MAGI1: variants seen among roughly 807,000 people sequenced by gnomAD.
MAGI1 encodes the protein membrane-associated guanylate kinase, WW and PDZ domain-containing protein 1.
In MAGI1, 58 loss-of-function variants were observed where a neutral mutation model predicts 139.9. The ratio of observed to expected loss-of-function variants is 0.41; its 90% CI spans 0.34 to 0.52. MAGI1 has a LOEUF of 0.52. Ranked by LOEUF, MAGI1 falls within the 20% of genes least tolerant of loss-of-function variation. MAGI1 has a pLI of 0.12. For missense variants in MAGI1, 1,874 were observed against 1,901.6 expected (o/e 0.99, Z 0.27); for synonymous variants, 812 against 737.9 (o/e 1.10, Z -1.63).
At chr3:66,029,019 T>A (rs983048301) in intron 1 of MAGI1, among the ~76,000 whole-genome samples, 8 of 152,156 alleles carry the variant, frequency 5.3e-5, no homozygotes, top group Non-Finnish European at 1.0e-4. Context: ...GTGGTTTACT[T>A]TCTACTTTTC....
At chr3:65,891,229 G>GGAAA (rs983446805) in intron 1 of MAGI1, among the ~76,000 whole-genome samples, 2 of 148,874 alleles carry the variant, frequency 1.3e-5, no homozygotes, top group African/African-American at 5.0e-5. Context: ...AAAAAAAAAA[G>GGAAA]GAAAGAAAGA....
rs553069437 is a variant in MAGI1, at chr3:65,781,897, C to G, written c.314-159809G>C. Among the ~76,000 whole-genome samples, 971 of 152,052 alleles carry G rather than the reference C, an allele frequency of 6.4e-3. 8 individuals carry two copies. Among genetic ancestry groups the G allele is most frequent in the African/African-American group, 0.021 (890 of 41,484 alleles). ...AGTCTGAACCATCTGACTGGGGAAC[C>G]CCCCCTCACTATAAACCTAAGATTG... On this transcript the variant is annotated intron_variant, in intron 1 of 22. Transcript: ENST00000402939.
rs1950429954 is a variant in MAGI1, at chr3:65,469,656, G to A, written c.959+627C>T. 2.0e-5 allele frequency: 3 copies of A among 151,822 alleles called. 1 individual carries two copies. The South Asian group carries it at 6.2e-4, about 31-fold the overall frequency. The allele number at this position is 151,822 out of a possible 1,614,324, so 9.4% of individuals were successfully genotyped here. ...AAAAAATGAAAATATTTACGACTCT[G>A]TGTTAGGCAAAGATTTCCTAGCTAC... On this transcript the variant is annotated intron_variant, in intron 5 of 22. Transcript: ENST00000402939.
At chr3:65,488,342 T>A (rs1422759511) in intron 3 of MAGI1, among the ~76,000 whole-genome samples, 1 of 152,138 alleles carries the variant, frequency 6.6e-6, no homozygotes, top group East Asian at 1.9e-4. Flanking sequence ...TTTTTCTTTT[T>A]TTTTTGTTTT....
intron 1 of MAGI1, chr3:65,873,775 C>T (rs561920769): frequency 6.6e-6 from 1 of 152,098 alleles, no homozygotes; most frequent in South Asian, 2.1e-4. Flanking sequence ...CATCCACATG[C>T]AAAAGAATGA....
chr3:66,036,759 G>A (rs1191043509), intron 1 of MAGI1, among the ~76,000 whole-genome samples: 1 of 152,160 alleles, frequency 6.6e-6, no homozygotes, highest in Non-Finnish European at 1.5e-5. Context: ...GGAAACACAT[G>A]GGAACTTTTC....
chr3:66,005,159 C>CA (rs2107467216), intron 1 of MAGI1, among the ~76,000 whole-genome samples: 1 of 152,234 alleles, frequency 6.6e-6, no homozygotes, highest in African/African-American at 2.4e-5. Flanking sequence ...AAAGCAGTCC[C>CA]ATATGCAAAG....
At chr3:65,894,225 C>A (rs893442849) in intron 1 of MAGI1, among the ~76,000 whole-genome samples, 1 of 152,120 alleles carries the variant, frequency 6.6e-6, no homozygotes, top group African/African-American at 2.4e-5. Context: ...TAATATCATC[C>A]CTACCTACTA....
intron 1 of MAGI1, among the ~76,000 whole-genome samples, chr3:65,887,143 C>G (rs988011623): frequency 2.0e-5 from 3 of 151,764 alleles, no homozygotes; most frequent in Non-Finnish European, 2.9e-5. Flanking sequence ...AAAAAAGATT[C>G]CAAAGATCAT....
At chr3:65,631,834 G>A (rs903857933) in intron 1 of MAGI1, among the ~76,000 whole-genome samples, 1 of 151,992 alleles carries the variant, frequency 6.6e-6, no homozygotes, top group Non-Finnish European at 1.5e-5. Flanking sequence ...GACCATCCTG[G>A]CCAACATGGT....
At chr3:65,818,315 A>C (rs1347492184) in intron 1 of MAGI1, among the ~76,000 whole-genome samples, 1 of 152,138 alleles carries the variant, frequency 6.6e-6, no homozygotes, top group African/African-American at 2.4e-5. Flanking sequence ...TTTGCCAAGC[A>C]CCATACCAGG....
At chr3:65,698,179 G>A (rs2089348735) in intron 1 of MAGI1, among the ~76,000 whole-genome samples, 1 of 118,382 alleles carries the variant, frequency 8.4e-6, no homozygotes, top group African/African-American at 3.7e-5. Flanking sequence ...GGATGTGAAG[G>A]ACCTCTTCAA....
rs543806489 is a variant in MAGI1, at chr3:65,731,393, C to T, written c.314-109305G>A. ...TATGACCAGGCATGATGGCTCACAC[C>T]TATAATTCCAGCACTTTGGGAGGCT... On this transcript the variant is annotated intron_variant, in intron 1 of 22. Transcript: ENST00000402939. 2.0e-5 allele frequency among the ~76,000 whole-genome samples: 3 copies of T among 151,804 alleles called. No homozygotes were observed. In the East Asian group the frequency reaches 5.8e-4, roughly 29 times the overall value.
chr3:65,860,506 C>T (rs887062983), intron 1 of MAGI1, among the ~76,000 whole-genome samples: 1 of 152,190 alleles, frequency 6.6e-6, no homozygotes, highest in Non-Finnish European at 1.5e-5. Context: ...GGGCAGCCCG[C>T]GCGTTCCCCT....
chr3:65,721,179 C>A (rs962440287), intron 1 of MAGI1, among the ~76,000 whole-genome samples: 1 of 152,186 alleles, frequency 6.6e-6, no homozygotes, highest in African/African-American at 2.4e-5. Flanking sequence ...TTTGCCACCA[C>A]TCCCAGCATA....
intron 1 of MAGI1, among the ~76,000 whole-genome samples, chr3:65,651,576 T>A (rs2085583678): frequency 6.6e-6 from 1 of 152,132 alleles, no homozygotes; most frequent in Non-Finnish European, 1.5e-5. Context: ...TCATGTGGAA[T>A]CAGCATCCAC....
chr3:65,687,076 C>T (rs886632214), intron 1 of MAGI1, among the ~76,000 whole-genome samples: 1 of 152,162 alleles, frequency 6.6e-6, no homozygotes, highest in Non-Finnish European at 1.5e-5. Context: ...AAGAGCAGTA[C>T]TGACATCACT....
chr3:65,911,825 A>G (rs1427134789), intron 1 of MAGI1, among the ~76,000 whole-genome samples: 1 of 152,188 alleles, frequency 6.6e-6, no homozygotes, highest in African/African-American at 2.4e-5. Context: ...AAATATTTTT[A>G]TCTATTATTA....
chr3:65,566,618 T>G (rs2080664726), intron 2 of MAGI1, among the ~76,000 whole-genome samples: 1 of 151,990 alleles, frequency 6.6e-6, no homozygotes, highest in Admixed American at 6.6e-5. Context: ...GTTACTGGGT[T>G]TTTGTTTGTT....
Sources: gnomAD v4.1 joint callset for allele counts (sites outside exome capture counted in the v4.1 genomes callset) on GRCh38, gnomAD v4.1.1 for gene constraint, MANE v1.5 for transcripts, NCBI Gene and HGNC (gene_info 2026-07-23, HGNC 2026-07-21) for gene names.